The following DOCK8 variants were observed in gnomAD, a reference collection of about 807,000 sequenced individuals.
The protein encoded by DOCK8 is dedicator of cytokinesis protein 8.
A neutral mutation model predicts 245.6 loss-of-function variants in DOCK8; 141 were observed. That is an observed-to-expected ratio of 0.57 (90% CI 0.50 to 0.66). The LOEUF is 0.66. Ranked by LOEUF, DOCK8 falls within the 30% of genes least tolerant of loss-of-function variation. The probability of loss-of-function intolerance (pLI) is 0.00; values close to 1 mark genes in which losing one functional copy is unlikely to be tolerated. For missense variants in DOCK8, 2,965 were observed against 2,603.4 expected (o/e 1.14, Z -3.02); for synonymous variants, 1,168 against 970.2 (o/e 1.20, Z -3.79).
chr9:325,549 G>GT, intron 7 of DOCK8, 122 bp from the exon 8 acceptor site: 1 of 838,518 alleles, frequency 1.2e-6, no homozygotes, highest in Non-Finnish European at 2.1e-6. Context: ...TATACTTGGA[G>GT]TTTTCCAAAT....
At chr9:340,087 G>T in intron 13 of DOCK8, 72 bp from the exon 14 acceptor site, 1 of 1,539,558 alleles carries the variant, frequency 6.5e-7, no homozygotes, top group Non-Finnish European at 9.0e-7. Context: ...GAAACACAGT[G>T]CAACAATCTT....
intron 14 of DOCK8, among the ~76,000 whole-genome samples, chr9:354,685 G>A (rs1316898278): frequency 1.3e-5 from 2 of 152,200 alleles, no homozygotes; most frequent in African/African-American, 4.8e-5. Context: ...GCAGGATGCA[G>A]TTGCTCACGG....
intron 23 of DOCK8, among the ~76,000 whole-genome samples, chr9:388,862 A>G (rs2054067482): frequency 6.6e-6 from 1 of 152,260 alleles, no homozygotes; most frequent in Non-Finnish European, 1.5e-5. Context: ...CCCTCTGTGG[A>G]TAATTTAAAC....
intron 7 of DOCK8, among the ~76,000 whole-genome samples, chr9:317,606 C>T (rs188003534): frequency 5.2e-4 from 79 of 152,312 alleles, no homozygotes; most frequent in African/African-American, 1.9e-3. Flanking sequence ...ATTTGTAAAA[C>T]ATTTACCAGT....
rs187765276 is a variant in DOCK8, at chr9:269,725, T to G, written c.54-1902T>G. On this transcript the variant is annotated intron_variant, in intron 1 of 47. Transcript: ENST00000432829. ...CACACGCCACCACACCTGGCTAATT[T>G]TTTTGTATTTTTAGTAGAGATGGGG... Among the ~76,000 whole-genome samples the G allele has an allele frequency of 2.6e-3, 394 of 151,930 alleles. 3 individuals are homozygous for G. Among genetic ancestry groups the G allele is most frequent in the African/African-American group, 9.2e-3 (383 of 41,450 alleles).
chr9:408,918 A>ACACG (rs2055575834), intron 28 of DOCK8, among the ~76,000 whole-genome samples: 1 of 149,922 alleles, frequency 6.7e-6, no homozygotes, highest in African/African-American at 2.5e-5. Flanking sequence ...GCACACACAC[A>ACACG]GTACCCTTTC....
At chr9:211,930 C>A (rs1481748010), upstream of DOCK8, among the ~76,000 whole-genome samples, 1 of 152,130 alleles carries the variant, frequency 6.6e-6, no homozygotes, top group African/African-American at 2.4e-5. Context: ...AGATAGCTAG[C>A]TTCCAGTTAA....
At chr9:303,681 A>T (rs550905405) in intron 4 of DOCK8, among the ~76,000 whole-genome samples, 1 of 152,214 alleles carries the variant, frequency 6.6e-6, no homozygotes, top group South Asian at 2.1e-4. Flanking sequence ...AAAACTGCCT[A>T]TTGAGTACCA....
intron 1 of DOCK8, among the ~76,000 whole-genome samples, chr9:229,825 C>T (rs1291028832): frequency 6.6e-6 from 1 of 151,936 alleles, no homozygotes; most frequent in Non-Finnish European, 1.5e-5. Context: ...AAGTAACAGC[C>T]AACCAAACCA....
chr9:428,645 G>A, intron 35 of DOCK8, 149 bp downstream of exon 35: 1 of 1,024,472 alleles, frequency 9.8e-7, no homozygotes, highest in Middle Eastern at 2.8e-4. Context: ...GAAGAAAGCA[G>A]ATGCCCTGAT....
At chr9:279,386 T>A (rs1563867582) in intron 2 of DOCK8, among the ~76,000 whole-genome samples, 1 of 152,200 alleles carries the variant, frequency 6.6e-6, no homozygotes, top group African/African-American at 2.4e-5. Flanking sequence ...AATGTATATT[T>A]AAAGCCATGG....
At chr9:326,864 T>G (rs1237336270) in intron 8 of DOCK8, among the ~76,000 whole-genome samples, 1 of 152,204 alleles carries the variant, frequency 6.6e-6, no homozygotes, top group African/African-American at 2.4e-5. Context: ...TGATCACCCC[T>G]CATTGCAAAG....
chr9:238,442 AAAT>A (rs1391118606), intron 1 of DOCK8, among the ~76,000 whole-genome samples: 1 of 152,244 alleles, frequency 6.6e-6, no homozygotes, highest in African/African-American at 2.4e-5. Context: ...TCAAAAAAGA[AAAT>A]AAAAAGTTAA....
chr9:239,789 A>G (rs903552782), intron 1 of DOCK8, among the ~76,000 whole-genome samples: 5 of 152,242 alleles, frequency 3.3e-5, no homozygotes, highest in African/African-American at 1.2e-4. Flanking sequence ...AACTGGAAGT[A>G]TGCTTATATA....
intron 9 of DOCK8, among the ~76,000 whole-genome samples, chr9:330,457 A>G (rs151289405): frequency 6.6e-6 from 1 of 152,276 alleles, no homozygotes; most frequent in African/African-American, 2.4e-5. Context: ...TAAAAAAACA[A>G]CTTGGCATTC....
intron 14 of DOCK8, among the ~76,000 whole-genome samples, chr9:350,335 C>T (rs1349294692): frequency 6.6e-6 from 1 of 152,186 alleles, no homozygotes. Context: ...TGGTCTTGAA[C>T]TCCTAGCCTC....
intron 21 of DOCK8, among the ~76,000 whole-genome samples, chr9:381,853 G>T (rs2053732521): frequency 6.6e-6 from 1 of 151,940 alleles, no homozygotes. Flanking sequence ...CCAGCTACTC[G>T]GGAAGCTGAG....
At chr9:400,031 T>TTCCACCATCACCACCTCCTTCACCATCAC (rs1564011664) in intron 26 of DOCK8, among the ~76,000 whole-genome samples, 1 of 58,510 alleles carries the variant, frequency 1.7e-5, no homozygotes, top group Non-Finnish European at 3.1e-5. Context: ...ACCTCCACCA[T>TTCCACCATCACCACCTCCTTCACCATCAC]CACCACCACC....
chr9:393,314 TGGC>T (rs2054290649), intron 24 of DOCK8, among the ~76,000 whole-genome samples: 1 of 96,758 alleles, frequency 1.0e-5, no homozygotes, highest in Non-Finnish European at 2.5e-5. Flanking sequence ...CAATAATAGT[TGGC>T]ATACCAATAG....
Sources: gnomAD v4.1 joint callset for allele counts (sites outside exome capture counted in the v4.1 genomes callset) on GRCh38, gnomAD v4.1.1 for gene constraint, MANE v1.5 for transcripts, NCBI Gene and HGNC (gene_info 2026-07-23, HGNC 2026-07-21) for gene names.